The following CEMIP variants were observed in gnomAD, a reference collection of about 807,000 sequenced individuals.
The protein encoded by CEMIP is cell migration-inducing and hyaluronan-binding protein.
A neutral mutation model predicts 156.9 loss-of-function variants in CEMIP; 105 were observed. The observed-to-expected ratio is 0.67, with a 90% CI of 0.57 to 0.79. The LOEUF is 0.79. Among genes scored for constraint, CEMIP ranks in the 30% least tolerant of loss-of-function variants. The pLI is 0.00. For missense variants in CEMIP, 1,457 were observed against 1,769.4 expected, an observed-to-expected ratio of 0.82 and a Z score of 3.17; for synonymous variants, 676 against 668.4, an observed-to-expected ratio of 1.01 and a Z score of -0.17.
chr15:80,822,115 A>C (rs929059047), intron 1 of CEMIP, among the ~76,000 whole-genome samples: 1 of 152,220 alleles, frequency 6.6e-6, no homozygotes, highest in African/African-American at 2.4e-5. Flanking sequence ...GCCATTGTAC[A>C]TCCAACTGGC....
chr15:80,790,423 A>G (rs1183268134), intron 1 of CEMIP, among the ~76,000 whole-genome samples: 1 of 152,192 alleles, frequency 6.6e-6, no homozygotes, highest in African/African-American at 2.4e-5. Context: ...CATCATTAAT[A>G]TTCAGTGCTT....
intron 1 of CEMIP, among the ~76,000 whole-genome samples, chr15:80,798,574 C>T (rs1896292238): frequency 6.6e-6 from 1 of 152,100 alleles, no homozygotes; most frequent in Non-Finnish European, 1.5e-5. Context: ...GGTGAAAATT[C>T]ATAGCTAATA....
intron 1 of CEMIP, among the ~76,000 whole-genome samples, chr15:80,830,488 G>A (rs1180255268): frequency 2.6e-5 from 4 of 152,106 alleles, no homozygotes; most frequent in Non-Finnish European, 4.4e-5. Context: ...GTCTGCCCAC[G>A]ACTAAGGATG....
At chr15:80,891,541 G>C (rs1003777613) in intron 10 of CEMIP, among the ~76,000 whole-genome samples, 9 of 152,224 alleles carry the variant, frequency 5.9e-5, no homozygotes, top group African/African-American at 2.2e-4. Context: ...TTCAACAGCA[G>C]TGTGGTCCCC....
At chr15:80,853,472 G>A (rs1897761377) in intron 1 of CEMIP, among the ~76,000 whole-genome samples, 1 of 152,118 alleles carries the variant, frequency 6.6e-6, no homozygotes, top group Non-Finnish European at 1.5e-5. Context: ...TCCATTTTGT[G>A]AAAGGGCAGA....
chr15:80,946,060 G>A (rs79051391), intron 28 of CEMIP, among the ~76,000 whole-genome samples: 1,826 of 152,320 alleles, frequency 0.012, 49 homozygotes, highest in African/African-American at 0.042. Context: ...GCAAAATAGA[G>A]GCAATAGCCC....
At chr15:80,832,408 G>A (rs961770111) in intron 1 of CEMIP, among the ~76,000 whole-genome samples, 1 of 150,110 alleles carries the variant, frequency 6.7e-6, no homozygotes, top group Non-Finnish European at 1.5e-5. Context: ...CAATTGGTGG[G>A]ACTTGCTTGT....
At chr15:80,931,674 TTAA>T (rs1166440662) in intron 21 of CEMIP, among the ~76,000 whole-genome samples, 182 bp from the exon 22 acceptor site, 1 of 152,126 alleles carries the variant, frequency 6.6e-6, no homozygotes, top group Non-Finnish European at 1.5e-5. Context: ...TAATAATTAA[TTAA>T]TAATGATCTG....
At chr15:80,942,893 A>C in intron 27 of CEMIP, 52 bp from the exon 28 acceptor site, 1 of 1,610,570 alleles carries the variant, frequency 6.2e-7, no homozygotes, top group South Asian at 1.1e-5. Flanking sequence ...GGGCAGGAGA[A>C]CCATGGGGCC....
intron 1 of CEMIP, among the ~76,000 whole-genome samples, chr15:80,808,719 A>G (rs953551059): frequency 6.6e-6 from 1 of 152,084 alleles, no homozygotes; most frequent in Non-Finnish European, 1.5e-5. Flanking sequence ...ACACTCCACA[A>G]TAAAAAAAAA....
At chr15:80,793,402 G>A (rs1009695104) in intron 1 of CEMIP, among the ~76,000 whole-genome samples, 4 of 152,114 alleles carry the variant, frequency 2.6e-5, no homozygotes, top group African/African-American at 9.7e-5. Flanking sequence ...TTCTGTGGTG[G>A]GTGTTTTTCT....
At chr15:80,915,221 A>G (rs1283086266) in intron 14 of CEMIP, among the ~76,000 whole-genome samples, 2 of 152,242 alleles carry the variant, frequency 1.3e-5, no homozygotes, top group African/African-American at 2.4e-5. Context: ...CTAATTTGTT[A>G]GTCCTACAAA....
Position 80,881,108 on chromosome 15 carries a change from A to C in CEMIP, c.589A>C (p.Lys197Gln). ...AGTTATTGTTCATGTCATCGACCCC[A>C]AATCAGGCACAGTCATCCATTCTGA... ...RGVIVHVIDP[K>Q]SGTVIHSDRF... is the part of the protein sequence containing the mutation. Residue 197 changes from lysine (K) to glutamine (Q), a missense_variant, in exon 6 of 30, where the codon AAA (lysine) becomes CAA (glutamine). Lys to Gln is a moderately conservative substitution (Grantham distance 53). Transcript: ENST00000394685. The C allele has an allele frequency of 6.2e-7, 1 of 1,614,208 alleles. No homozygotes were observed. The highest frequency in any genetic ancestry group is 8.5e-7 in the Non-Finnish European group (1 of 1,180,034).
At chr15:80,885,965 CTT>C (rs968160540) in intron 7 of CEMIP, among the ~76,000 whole-genome samples, 4 of 152,216 alleles carry the variant, frequency 2.6e-5, no homozygotes, top group Non-Finnish European at 5.9e-5. Flanking sequence ...GAGTGATAAA[CTT>C]GAAGCATCTA....
chr15:80,926,702 CCAGCCAGGCAAGGACATAG>C (rs1471159553), intron 19 of CEMIP, among the ~76,000 whole-genome samples: 1 of 151,606 alleles, frequency 6.6e-6, no homozygotes, highest in Non-Finnish European at 1.5e-5. Flanking sequence ...TTTGGGTCCC[CCAGCCAGGCAAGGACATAG>C]GATGGCAGCA....
intron 14 of CEMIP, among the ~76,000 whole-genome samples, chr15:80,915,712 C>T (rs1900247811): frequency 6.6e-6 from 1 of 152,156 alleles, no homozygotes; most frequent in South Asian, 2.1e-4. Flanking sequence ...CCTCCTCATT[C>T]TCCCATCCTC....
chr15:80,926,827 G>GT (rs1323434150), intron 19 of CEMIP, among the ~76,000 whole-genome samples: 2 of 123,654 alleles, frequency 1.6e-5, no homozygotes, highest in African/African-American at 6.8e-5. Context: ...GGTGGGGGGG[G>GT]GGGGTCTTCT....
At chr15:80,852,769 C>T (rs1289279657) in intron 1 of CEMIP, among the ~76,000 whole-genome samples, 6 of 152,120 alleles carry the variant, frequency 3.9e-5, no homozygotes, top group East Asian at 3.8e-4. Flanking sequence ...CATTTTCAGT[C>T]CTGAAGGAGG....
chr15:80,919,972 CTATT>C (rs1190935981), intron 14 of CEMIP, 118 bp from the exon 15 acceptor site: 1 of 905,060 alleles, frequency 1.1e-6, no homozygotes, highest in Non-Finnish European at 1.8e-6. Context: ...GCACATGAGA[CTATT>C]TAGTGTTTGC....
Sources: gnomAD v4.1 joint callset for allele counts (sites outside exome capture counted in the v4.1 genomes callset) on GRCh38, gnomAD v4.1.1 for gene constraint, MANE v1.5 for transcripts, NCBI Gene and HGNC (gene_info 2026-07-23, HGNC 2026-07-21) for gene names.